RIMBP2: variants seen among roughly 807,000 people sequenced by gnomAD.
RIMBP2 encodes RIMS-binding protein 2.
RIMBP2 carries 48 observed loss-of-function variants against 118.6 expected under a neutral mutation model. That is an observed-to-expected ratio of 0.40 (90% CI 0.32 to 0.51). The LOEUF is 0.51. Among genes scored for constraint, RIMBP2 ranks in the 20% least tolerant of loss-of-function variants. The pLI is 0.41. For missense variants in RIMBP2, 1,551 were observed against 1,768.3 expected (o/e 0.88, Z 2.20); for synonymous variants, 762 against 742.9 (o/e 1.03, Z -0.42).
intron 5 of RIMBP2, chr12:130,472,242 G>A (rs1444118860): frequency 3.3e-5 from 5 of 152,236 alleles, no homozygotes; most frequent in Admixed American, 1.3e-4. Flanking sequence ...TGGGTTTTCT[G>A]TCGCTTGAAA....
rs553005333 is a variant in RIMBP2 at position 130,530,884 on chromosome 12, G to A, written c.-216-12967C>T. 2.6e-5 allele frequency among the ~76,000 whole-genome samples: 4 copies of A among 152,300 alleles called. No homozygotes were observed. In the South Asian group the frequency reaches 6.2e-4, roughly 24 times the overall value. ...GTTATATGAGCAACTGAAACTGGTG[G>A]TTCTGCAAGCTGGTCCATGGTGCAG... On this transcript the variant is annotated intron_variant, in intron 2 of 22. Coordinates refer to ENST00000690449, the MANE Select transcript of RIMBP2 (RefSeq NM_001393629.1).
chr12:130,532,671 G>T (rs796587310), intron 2 of RIMBP2, among the ~76,000 whole-genome samples: 1,182 of 102,814 alleles, frequency 0.011, 5 homozygotes, highest in Admixed American at 0.021. Context: ...CCTCTAGGAG[G>T]GACGTCTAAT....
At chr12:130,638,477 G>C (rs1291913070) in intron 1 of RIMBP2, among the ~76,000 whole-genome samples, 4 of 152,242 alleles carry the variant, frequency 2.6e-5, no homozygotes. Flanking sequence ...CCGCACAGCA[G>C]GAGGTGAATG....
rs1481858531 is a variant in RIMBP2, at chr12:130,446,301, A to G, written c.582-1032T>C. 6.6e-6 allele frequency among the ~76,000 whole-genome samples: 1 copy of G among 152,256 alleles called. No homozygotes were observed. Among genetic ancestry groups the G allele is most frequent in the Non-Finnish European group, 1.5e-5 (1 of 68,042 alleles). ...GATTCATGCATCAGTGGCACTGTGC[A>G]GTTTACCAACACTTTCATACACGTT... On this transcript the variant is annotated intron_variant, in intron 9 of 22. Transcript: ENST00000690449. This position sits in a 1 kb window ranked among gnomAD's most constrained non-coding sequence, Gnocchi z 4.1.
chr12:130,706,996 A>G (rs2066152639), intron 1 of RIMBP2, among the ~76,000 whole-genome samples: 1 of 152,134 alleles, frequency 6.6e-6, no homozygotes, highest in South Asian at 2.1e-4. Context: ...CTAAATTAAC[A>G]ATGTGAAATC....
chr12:130,648,791 G>C (rs1192069576), intron 1 of RIMBP2, among the ~76,000 whole-genome samples: 1 of 144,220 alleles, frequency 6.9e-6, no homozygotes, highest in Non-Finnish European at 1.6e-5. Flanking sequence ...CGAGTAGCTG[G>C]GATTACAGGC....
chr12:130,524,316 G>T (rs1161249004), intron 2 of RIMBP2, among the ~76,000 whole-genome samples: 3 of 149,730 alleles, frequency 2.0e-5, no homozygotes, highest in Non-Finnish European at 3.0e-5. Context: ...AGAGGCATGA[G>T]CCAGGCCAGA....
At chr12:130,461,109 G>A (rs990776870) in intron 6 of RIMBP2, among the ~76,000 whole-genome samples, 1 of 152,176 alleles carries the variant, frequency 6.6e-6, no homozygotes, top group South Asian at 2.1e-4. Flanking sequence ...CGTGACACTA[G>A]GGGTCACATT....
At chr12:130,458,699 G>A (rs1325952404) in intron 6 of RIMBP2, among the ~76,000 whole-genome samples, 1 of 151,200 alleles carries the variant, frequency 6.6e-6, no homozygotes, top group Non-Finnish European at 1.5e-5. Flanking sequence ...CATGTGACAG[G>A]GAACATGTAA....
At chr12:130,665,444 G>A (rs930271203) in intron 1 of RIMBP2, among the ~76,000 whole-genome samples, 4 of 151,302 alleles carry the variant, frequency 2.6e-5, no homozygotes, top group Admixed American at 2.0e-4. Flanking sequence ...AGAATCACTC[G>A]AACCCGGGAG....
rs545583662 is a variant in RIMBP2, at chr12:130,617,072, A to G, written c.-217+11250T>C. Among the ~76,000 whole-genome samples the G allele has an allele frequency of 6.6e-6, 1 of 152,116 alleles. No homozygotes were observed. Among genetic ancestry groups the G allele is most frequent in the South Asian group, 2.1e-4 (1 of 4,792 alleles). On this transcript the variant is annotated intron_variant, in intron 2 of 22. Coordinates refer to ENST00000690449, the MANE Select transcript of RIMBP2 (RefSeq NM_001393629.1). This position sits in a 1 kb window ranked among gnomAD's most constrained non-coding sequence, Gnocchi z 4.6. ...CCACCCCATCTCTCATTTTTCCAGG[A>G]CTGCCAGCCTTACATCTCATGTTCT... is the stretch of plus-strand genomic sequence containing the variant.
At chr12:130,609,594 C>T (rs2060387809) in intron 2 of RIMBP2, among the ~76,000 whole-genome samples, 1 of 133,378 alleles carries the variant, frequency 7.5e-6, no homozygotes, top group Non-Finnish European at 1.7e-5. Context: ...GATAGATACA[C>T]ATGAAGATAC....
At chr12:130,488,834 T>C (rs969647042) in intron 4 of RIMBP2, among the ~76,000 whole-genome samples, 1 of 152,194 alleles carries the variant, frequency 6.6e-6, no homozygotes, top group African/African-American at 2.4e-5. Context: ...GAAGACAGCA[T>C]ACAGAGGGGT....
rs1158071083 is a variant in RIMBP2, at chr12:130,578,539, T to G, written c.-217+49783A>C. Among the ~76,000 whole-genome samples the G allele has an allele frequency of 6.6e-6, 1 of 152,224 alleles. No homozygotes were observed. The highest frequency in any genetic ancestry group is 1.5e-5 in the Non-Finnish European group (1 of 68,036). ...GCCCCAGTCGTACATGCCTGTGTTC[T>G]GTTTCTCGATCATAGCAAACTTGCT... On this transcript the variant is annotated intron_variant, in intron 2 of 22. Coordinates refer to ENST00000690449, the MANE Select transcript of RIMBP2 (RefSeq NM_001393629.1). The surrounding 1 kb of genome is among the most constrained non-coding windows in gnomAD (Gnocchi z 4.1).
rs1452996457 is a variant in RIMBP2, at chr12:130,622,247, A to G, written c.-217+6075T>C. Among the ~76,000 whole-genome samples, 2 of 152,180 alleles carry G rather than the reference A, an allele frequency of 1.3e-5. No homozygotes were observed. Among genetic ancestry groups the G allele is most frequent in the Middle Eastern group, 3.2e-3 (1 of 316 alleles). ...TGACTGGAGCAGACGTGAAGCCCCC[A>G]CAAGGCTGCATAGGAGGTTCCGGGG... On this transcript the variant is annotated intron_variant, in intron 2 of 22. Transcript: ENST00000690449. The surrounding 1 kb of genome is among the most constrained non-coding windows in gnomAD (Gnocchi z 8.5).
In RIMBP2 at chr12:130,441,902, G is replaced by T. The variant is rs752141804; in HGVS notation, c.1450C>A (p.Leu484Met). ...GCCTCCTTCTTCTCCCTTTGCTCCA[G>T]CGGGAGCTGCCACGGCATCTGGTGG... ...KPHQMPWQLPLEQREKKEAFV... is the reference protein window; with the variant it reads ...KPHQMPWQLPMEQREKKEAFV... Residue 484 changes from leucine (L) to methionine (M), a missense_variant, in exon 11 of 23, where the codon CTG becomes ATG. Leu to Met is a conservative substitution (Grantham distance 15). Transcript: ENST00000690449. The T allele has an allele frequency of 6.2e-7, 1 of 1,613,866 alleles. No individual in the cohort carries two copies. The highest frequency in any genetic ancestry group is 1.1e-5 in the South Asian group (1 of 91,090).
intron 2 of RIMBP2, among the ~76,000 whole-genome samples, chr12:130,596,014 G>C (rs1469966954): frequency 6.6e-6 from 1 of 152,188 alleles, no homozygotes; most frequent in Admixed American, 6.5e-5. Flanking sequence ...CAGCCAAGAA[G>C]TATGGTAGAA....
intron 2 of RIMBP2, among the ~76,000 whole-genome samples, chr12:130,540,697 C>T (rs1489933951): frequency 6.6e-6 from 1 of 152,164 alleles, no homozygotes; most frequent in Non-Finnish European, 1.5e-5. Context: ...GTTATGTAAA[C>T]CCCTAGTATT....
intron 9 of RIMBP2, among the ~76,000 whole-genome samples, chr12:130,449,327 C>T (rs1012455718): frequency 5.3e-5 from 8 of 152,256 alleles, no homozygotes; most frequent in Non-Finnish European, 1.0e-4. Flanking sequence ...TCCTGGGGGA[C>T]CTCTCATCCT....
Sources: gnomAD v4.1 joint callset for allele counts (sites outside exome capture counted in the v4.1 genomes callset) on GRCh38, gnomAD v4.1.1 for gene constraint, Gnocchi (gnomAD v3.1) non-coding constraint, MANE v1.5 for transcripts, NCBI Gene and HGNC (gene_info 2026-07-23, HGNC 2026-07-21) for gene names.